Variants in ANK1 observed in about 807,000 individuals in gnomAD.
ANK1 encodes the protein ankyrin-1.
Under a neutral mutation model 210.4 loss-of-function variants are expected in ANK1, and 51 were observed. The observed-to-expected ratio is 0.24, with a 90% CI of 0.19 to 0.31. The LOEUF is 0.31. Among genes scored for constraint, ANK1 ranks in the 10% least tolerant of loss-of-function variants. ANK1 has a pLI of 1.00. For missense variants in ANK1, 2,051 were observed against 2,504.4 expected, an observed-to-expected ratio of 0.82 and a Z score of 3.86; for synonymous variants, 967 against 1,025.9, an observed-to-expected ratio of 0.94 and a Z score of 1.10.
intron 37 of ANK1, among the ~76,000 whole-genome samples, chr8:41,683,904 G>A (rs1020607310): frequency 6.6e-6 from 1 of 152,166 alleles, no homozygotes; most frequent in Non-Finnish European, 1.5e-5. Context: ...TGGATCTCAC[G>A]GGGGATCCCT....
intron 1 of ANK1, among the ~76,000 whole-genome samples, chr8:41,852,222 G>T (rs1811385901): frequency 6.6e-6 from 1 of 152,192 alleles, no homozygotes; most frequent in East Asian, 1.9e-4. Context: ...GCATCTGGTG[G>T]GGAGAAAGGA....
At chr8:41,718,052 T>G in intron 11 of ANK1, 54 bp downstream of exon 11, 1 of 1,547,626 alleles carries the variant, frequency 6.5e-7, no homozygotes, top group South Asian at 1.1e-5. Context: ...TTGGAGAAGG[T>G]GGGTCGGGGG....
intron 16 of ANK1, 25 bp from the exon 17 acceptor site, chr8:41,709,000 G>A (rs1825446484): frequency 1.2e-6 from 2 of 1,612,886 alleles, no homozygotes; most frequent in Non-Finnish European, 8.5e-7. Flanking sequence ...GCCGCCCAGA[G>A]CCTGGTTACA....
At chr8:41,766,731 TGGGGA>T (rs1841875996) in intron 1 of ANK1, among the ~76,000 whole-genome samples, 1 of 152,210 alleles carries the variant, frequency 6.6e-6, no homozygotes, top group Non-Finnish European at 1.5e-5. Flanking sequence ...ATTGCTAAAA[TGGGGA>T]TCTTGCCAGG....
chr8:41,665,217 G>T, intron 39 of ANK1: 2 of 1,524,668 alleles, frequency 1.3e-6, no homozygotes, highest in Non-Finnish European at 1.8e-6. Flanking sequence ...TGGCCCTCTC[G>T]GCTGAAGCAG....
chr8:41,726,481 T>C (rs1237873736), intron 5 of ANK1, among the ~76,000 whole-genome samples: 1 of 152,116 alleles, frequency 6.6e-6, no homozygotes, highest in Non-Finnish European at 1.5e-5. Context: ...CCTTAACCTC[T>C]TGGGCTCAAG....
intron 39 of ANK1, among the ~76,000 whole-genome samples, chr8:41,664,447 C>T (rs1349699355): frequency 6.6e-6 from 1 of 152,158 alleles, no homozygotes; most frequent in East Asian, 1.9e-4. Context: ...CATGCCACTG[C>T]ACTCCAGCCT....
At chr8:41,853,316 C>T (rs900966057) in intron 1 of ANK1, among the ~76,000 whole-genome samples, 1 of 152,174 alleles carries the variant, frequency 6.6e-6, no homozygotes, top group Non-Finnish European at 1.5e-5. Context: ...ACTTTGCTTA[C>T]GATGTATCTT....
intron 2 of ANK1, among the ~76,000 whole-genome samples, chr8:41,740,631 C>CG (rs1325795737): frequency 2.0e-5 from 3 of 152,126 alleles, no homozygotes; most frequent in Non-Finnish European, 2.9e-5. Context: ...CCTAGGTCTA[C>CG]GGTCTAAGGA....
rs1830488550 is a variant in ANK1, at chr8:41,725,649, GCC to G, written c.612+110_612+111del. The G allele has an allele frequency of 1.3e-4, 192 of 1,441,698 alleles. 4 individuals carry two copies. In the South Asian group the frequency reaches 2.3e-3, roughly 17 times the overall value. 89.3% of individuals were successfully genotyped at this position (1,441,698 alleles called of 1,614,324 possible). On this transcript the variant is annotated intron_variant, in intron 6 of 42. Transcript: ENST00000289734. ...GGGGTGAGGGCGCTCAGTGCGCACT[GCC>G]CGCCCTGCACGCTCGGTTCTCCTGC...
chr8:41,731,009 T>C (rs1345384898), intron 3 of ANK1, among the ~76,000 whole-genome samples: 1 of 152,194 alleles, frequency 6.6e-6, no homozygotes, highest in Non-Finnish European at 1.5e-5. Flanking sequence ...GGGGAGCTCA[T>C]CAGTGATGGA....
intron 2 of ANK1, among the ~76,000 whole-genome samples, chr8:41,744,814 C>G (rs1442627819): frequency 1.3e-5 from 2 of 152,168 alleles, no homozygotes; most frequent in African/African-American, 4.8e-5. Context: ...GGATTACAGG[C>G]GTGAGCCTCC....
Position 41,725,851 on chromosome 8 carries a change from G to A in ANK1, c.522C>T (p.Leu174=). 6.2e-7 allele frequency: 1 copy of A among 1,612,078 alleles called. No individual in the cohort carries two copies. The highest frequency in any genetic ancestry group is 8.5e-7 in the Non-Finnish European group (1 of 1,179,604). Residue 174 remains leucine (L), a synonymous_variant, in exon 6 of 43, where the codon CTC becomes CTT. Coordinates refer to ENST00000289734, the MANE Select transcript of ANK1 (RefSeq NM_000037.4). ...TGCGGGCCGCGATGTGCAGGGCCGG[G>A]AGGCGCACCTTCCCCTTGGTGCCGT... ...INYGTKGKVR[L]PALHIAARND...
intron 2 of ANK1, among the ~76,000 whole-genome samples, chr8:41,744,638 A>G (rs1040695311): frequency 6.7e-6 from 1 of 148,946 alleles, no homozygotes; most frequent in Non-Finnish European, 1.5e-5. Flanking sequence ...CCGGGTTCAC[A>G]CCATTCTCCT....
rs200193226 is a variant in ANK1 at position 41,672,404 on chromosome 8, T to A, written c.5046A>T (p.Arg1682=). Residue 1682 remains arginine (R), a synonymous_variant, in exon 38 of 43, where the codon CGA becomes CGT. Transcript: ENST00000289734. The part of the protein sequence containing the change: ...LVSGHQRGQA[R]ITHSPTVSQV... Reference sequence around the variant, plus strand: ...GACTCACGGTGGGGGAATGTGTGATTCGGGCTTGCCCCCTCTGATGGCCTG... The same window carrying A: ...GACTCACGGTGGGGGAATGTGTGATACGGGCTTGCCCCCTCTGATGGCCTG... 1.5e-5 allele frequency: 24 copies of A among 1,614,202 alleles called. No homozygotes were observed. The highest frequency in any genetic ancestry group is 2.0e-5 in the Non-Finnish European group (24 of 1,180,038).
intron 37 of ANK1, among the ~76,000 whole-genome samples, chr8:41,676,134 T>C (rs944764266): frequency 2.0e-5 from 3 of 152,232 alleles, no homozygotes; most frequent in Middle Eastern, 3.2e-3. Context: ...AATGACTTGA[T>C]TGTACAGTAG....
At position 41,767,357 on chromosome 8, in the gene ANK1, G is replaced by T. The variant is rs545827819; in HGVS notation, c.28-9220C>A. Reference sequence around the variant, plus strand: ...GTGCACTCACCGCAGGGTCTGGCCCGGACCTGCCCTGTCGCGCTGCCATCG... The same window carrying T: ...GTGCACTCACCGCAGGGTCTGGCCCTGACCTGCCCTGTCGCGCTGCCATCG... On this transcript the variant is annotated intron_variant, in intron 1 of 42. Coordinates refer to ENST00000289734, the MANE Select transcript of ANK1 (RefSeq NM_000037.4). Among the ~76,000 whole-genome samples, 27 of 151,418 alleles carry T rather than the reference G, an allele frequency of 1.8e-4. No individual in the cohort carries two copies. In the South Asian group the frequency reaches 5.6e-3, roughly 32 times the overall value.
chr8:41,844,255 G>A (rs758232380), intron 1 of ANK1, among the ~76,000 whole-genome samples: 2 of 152,192 alleles, frequency 1.3e-5, no homozygotes, highest in Non-Finnish European at 2.9e-5. Flanking sequence ...ATCCCCTCGG[G>A]GAAGTCTATA....
intron 1 of ANK1, among the ~76,000 whole-genome samples, chr8:41,888,909 C>G (rs1315287237): frequency 1.3e-5 from 2 of 152,216 alleles, no homozygotes; most frequent in Non-Finnish European, 2.9e-5. Context: ...CAGGCTTTGC[C>G]CTAAGCTCTC....
Sources: gnomAD v4.1 joint callset for allele counts (sites outside exome capture counted in the v4.1 genomes callset) on GRCh38, gnomAD v4.1.1 for gene constraint, MANE v1.5 for transcripts, NCBI Gene and HGNC (gene_info 2026-07-23, HGNC 2026-07-21) for gene names.